RPH3AL: variants seen among roughly 807,000 people sequenced by gnomAD.
The protein encoded by RPH3AL is rabphilin 3A like (without C2 domains).
RPH3AL carries 38 observed loss-of-function variants against 43.1 expected under a neutral mutation model. The observed-to-expected ratio is 0.88, with a 90% confidence interval of 0.68 to 1.15. RPH3AL has a LOEUF of 1.15. RPH3AL is among the 50% of genes most tolerant of loss of function. The pLI, the probability that RPH3AL is intolerant of heterozygous loss-of-function variation, is 0.00. For missense variants in RPH3AL, 462 were observed against 423.2 expected, an observed-to-expected ratio of 1.09 and a Z score of -0.81; for synonymous variants, 189 against 176.3, an observed-to-expected ratio of 1.07 and a Z score of -0.57.
chr17:226,405 G>A (rs896507897), intron 7 of RPH3AL, among the ~76,000 whole-genome samples: 5 of 152,242 alleles, frequency 3.3e-5, no homozygotes, highest in East Asian at 3.8e-4. Context: ...GAGCCTCTCC[G>A]TGACTGGACC....
At chr17:228,401 C>T (rs1437164229) in intron 7 of RPH3AL, among the ~76,000 whole-genome samples, 1 of 152,070 alleles carries the variant, frequency 6.6e-6, no homozygotes, top group African/African-American at 2.4e-5. Flanking sequence ...GATGGGGACT[C>T]TCACCCCGGG....
chr17:335,389 G>A (rs975827767), intron 1 of RPH3AL, among the ~76,000 whole-genome samples: 1 of 152,056 alleles, frequency 6.6e-6, no homozygotes, highest in Non-Finnish European at 1.5e-5. Flanking sequence ...ACAGAGAGAG[G>A]GCTCAAGTGC....
At chr17:321,633 T>C (rs1251693002) in intron 3 of RPH3AL, 1 of 512,016 alleles carries the variant, frequency 2.0e-6, no homozygotes, top group Non-Finnish European at 3.4e-6. Context: ...ACGGCCCAGG[T>C]TCCGTGTGCC....
intron 8 of RPH3AL, among the ~76,000 whole-genome samples, chr17:218,690 C>A (rs191777569): frequency 6.6e-6 from 1 of 152,100 alleles, no homozygotes; most frequent in African/African-American, 2.4e-5. Flanking sequence ...TTCTCTATAC[C>A]AGTCTCAATG....
chr17:242,710 T>C (rs879625088), intron 7 of RPH3AL, among the ~76,000 whole-genome samples: 125 of 62,388 alleles, frequency 2.0e-3, no homozygotes, highest in African/African-American at 3.1e-3. Flanking sequence ...CCTCTATTGA[T>C]TACCTTCCTC....
chr17:269,305 A>C (rs536403097), intron 6 of RPH3AL, among the ~76,000 whole-genome samples: 1 of 152,036 alleles, frequency 6.6e-6, no homozygotes, highest in South Asian at 2.1e-4. Flanking sequence ...TGCCTGACCT[A>C]CTTATTCTTT....
chr17:333,519 T>C lies in RPH3AL; in HGVS notation c.-37+240A>G. ...TGCTTGCTGGTTTTTTAAACCACCTTGTGCTTTCCCACAGTATTAAAGTTC... is the reference window on the plus strand; with the variant it reads ...TGCTTGCTGGTTTTTTAAACCACCTCGTGCTTTCCCACAGTATTAAAGTTC... On this transcript the variant is annotated intron_variant, in intron 2 of 9. Coordinates refer to ENST00000331302, the MANE Select transcript of RPH3AL (RefSeq NM_006987.4). The surrounding 1 kb of genome is among the most constrained non-coding windows in gnomAD (Gnocchi z 4.5). 1 of 337,616 alleles carries C rather than the reference T, an allele frequency of 3.0e-6. No individual in the cohort carries two copies. The highest frequency in any genetic ancestry group is 5.9e-6 in the Non-Finnish European group (1 of 169,822). The allele number at this position is 337,616 out of a possible 1,614,324, so 20.9% of individuals were successfully genotyped here.
Position 281,668 on chromosome 17 carries a change from G to T in RPH3AL, c.438+100C>A, listed in dbSNP as rs761208323. The T allele has an allele frequency of 4.8e-5, 12 of 248,766 alleles. No homozygotes were observed. The Admixed American group carries it at 5.3e-4, about 11-fold the overall frequency. The allele number at this position is 248,766 out of a possible 1,614,324, so 15.4% of individuals were successfully genotyped here. A position where few individuals can be genotyped will look rare whatever the true frequency, so the allele number is the denominator to read the frequency against. On this transcript the variant is annotated intron_variant, in intron 6 of 9. Coordinates refer to ENST00000331302, the MANE Select transcript of RPH3AL (RefSeq NM_006987.4). The stretch of plus-strand genomic sequence containing the variant: ...CCCCATCTGAGAGCGTATCCAGCCC[G>T]CCCAGCCCTCCCCACCGTCACCCTG...
intron 6 of RPH3AL, among the ~76,000 whole-genome samples, chr17:254,450 C>T (rs2042009063): frequency 7.4e-5 from 1 of 13,590 alleles, no homozygotes; most frequent in Non-Finnish European, 1.2e-4. Context: ...GGGAGCCGCA[C>T]GGCGTCTGTC....
chr17:247,633 T>G, intron 6 of RPH3AL: 10 of 265,806 alleles, frequency 3.8e-5, no homozygotes, highest in South Asian at 3.7e-4. Context: ...CTACTGTACC[T>G]GGGTCTACAC....
intron 5 of RPH3AL, among the ~76,000 whole-genome samples, chr17:312,915 C>T (rs1239631820): frequency 1.3e-5 from 2 of 152,212 alleles, no homozygotes; most frequent in Non-Finnish European, 2.9e-5. Flanking sequence ...CAGGTGCTTG[C>T]AGGAACACGG....
intron 5 of RPH3AL, among the ~76,000 whole-genome samples, chr17:312,709 T>C (rs2043674728): frequency 1.3e-5 from 2 of 152,186 alleles, no homozygotes; most frequent in Admixed American, 6.5e-5. Flanking sequence ...CACTATTGCA[T>C]CCATCAACGA....
chr17:292,020 A>G (rs936291765), intron 5 of RPH3AL, among the ~76,000 whole-genome samples: 2 of 152,248 alleles, frequency 1.3e-5, no homozygotes, highest in South Asian at 2.1e-4. Flanking sequence ...ACTTGCCCCA[A>G]CTTCATTTTT....
chr17:215,641 G>A lies in RPH3AL; in HGVS notation c.876+13C>T. 3.9e-6 allele frequency: 5 copies of A among 1,273,678 alleles called. No individual in the cohort carries two copies. The highest frequency in any genetic ancestry group is 5.0e-6 in the Non-Finnish European group (5 of 1,005,122). The allele number at this position is 1,273,678 out of a possible 1,614,324, so 78.9% of individuals were successfully genotyped here. A position where few individuals can be genotyped will look rare whatever the true frequency, so the allele number is the denominator to read the frequency against. On this transcript the variant is annotated intron_variant, in intron 9 of 9. Coordinates refer to ENST00000331302, the MANE Select transcript of RPH3AL (RefSeq NM_006987.4). The surrounding 1 kb of genome is among the most constrained non-coding windows in gnomAD (Gnocchi z 4.1). ...GGGCAGGAGAGGGGAGAAGGCAGCA[G>A]TTGGGTACTCACCGGGGCCCTTCGG...
intron 7 of RPH3AL, among the ~76,000 whole-genome samples, chr17:244,727 G>A (rs529282253): frequency 6.7e-4 from 102 of 152,234 alleles, no homozygotes; most frequent in South Asian, 2.1e-3. Context: ...TGCCCTCCTC[G>A]CCCATGAAAT....
intron 5 of RPH3AL, among the ~76,000 whole-genome samples, chr17:315,155 G>T (rs933456328): frequency 7.2e-6 from 1 of 139,776 alleles, no homozygotes; most frequent in Non-Finnish European, 1.6e-5. Flanking sequence ...TTGACCTGTA[G>T]TCCCTGTGCC....
At chr17:316,885 G>C (rs113579631) in intron 5 of RPH3AL, among the ~76,000 whole-genome samples, 1 of 145,626 alleles carries the variant, frequency 6.9e-6, no homozygotes, top group African/African-American at 2.6e-5. Flanking sequence ...CACCTCCATT[G>C]ACCTGTAGTC....
chr17:222,061 T>C lies in RPH3AL; in HGVS notation c.614-2325A>G, dbSNP rs543802369. Among the ~76,000 whole-genome samples the C allele has an allele frequency of 1.1e-3, 164 of 150,610 alleles. 1 individual carries two copies. Among genetic ancestry groups the C allele is most frequent in the Middle Eastern group, 3.4e-3 (1 of 292 alleles). On this transcript the variant is annotated intron_variant, in intron 7 of 9. Transcript: ENST00000331302. ...CTGAGGCCTCCACTCACTGAGACAA[T>C]AGGCCCAAGAACAACAGCTCTGAGG...
Position 290,987 on chromosome 17 carries a change from G to C in RPH3AL, c.352-9133C>G, listed in dbSNP as rs2043035708. Among the ~76,000 whole-genome samples, 1 of 152,158 alleles carries C rather than the reference G, an allele frequency of 6.6e-6. No homozygotes were observed. The highest frequency in any genetic ancestry group is 2.4e-5 in the African/African-American group (1 of 41,440). On this transcript the variant is annotated intron_variant, in intron 5 of 9. Transcript: ENST00000331302. The surrounding 1 kb of genome is among the most constrained non-coding windows in gnomAD (Gnocchi z 4.2). ...GGAGGCCTGGACCATCCATGGCACA[G>C]AGAGGGCTGTTCATGAGCCTCACTC...
Sources: allele counts gnomAD v4.1 joint callset (sites outside exome capture counted in the v4.1 genomes callset), GRCh38; gene constraint gnomAD v4.1.1; non-coding constraint Gnocchi (gnomAD v3.1); transcripts MANE v1.5; gene names NCBI Gene and HGNC (gene_info 2026-07-23, HGNC 2026-07-21).